ALCAM: variants seen among roughly 807,000 people sequenced by gnomAD.
ALCAM encodes activated leukocyte cell adhesion molecule.
Under a neutral mutation model 70.9 loss-of-function variants are expected in ALCAM, and 30 were observed. That is an observed-to-expected ratio of 0.42 (90% CI 0.32 to 0.57). The LOEUF (loss-of-function observed/expected upper bound fraction) is 0.57. Ranked by LOEUF, ALCAM falls within the 20% of genes least tolerant of loss-of-function variation. The pLI is 0.11. For missense variants in ALCAM, 591 were observed against 695.1 expected, an observed-to-expected ratio of 0.85 and a Z score of 1.68; for synonymous variants, 249 against 242.5, an observed-to-expected ratio of 1.03 and a Z score of -0.25.
chr3:105,478,440 G>C (rs1938181226), intron 1 of ALCAM, among the ~76,000 whole-genome samples: 2 of 152,038 alleles, frequency 1.3e-5, no homozygotes, highest in Admixed American at 6.6e-5. Context: ...TAGTAGCTGA[G>C]GCAGCCCCTC....
chr3:105,420,035 T>A (rs186395931), intron 1 of ALCAM, among the ~76,000 whole-genome samples: 1 of 151,618 alleles, frequency 6.6e-6, no homozygotes, highest in Admixed American at 6.6e-5. Flanking sequence ...CAAGCACAAA[T>A]AAAAAAACCG....
chr3:105,552,379 C>T (rs888287899), intron 13 of ALCAM, 89 bp from the exon 14 acceptor site: 34 of 1,417,366 alleles, frequency 2.4e-5, no homozygotes, highest in Non-Finnish European at 3.0e-5. Flanking sequence ...GAGCTTTAGT[C>T]ATTTTTAATA....
At chr3:105,490,762 C>T (rs562482598) in intron 1 of ALCAM, among the ~76,000 whole-genome samples, 89 of 152,314 alleles carry the variant, frequency 5.8e-4, no homozygotes, top group African/African-American at 2.1e-3. Flanking sequence ...TTCCCATAAC[C>T]TTGGGCAACC....
At chr3:105,444,999 A>G (rs764297601) in intron 1 of ALCAM, among the ~76,000 whole-genome samples, 6 of 152,180 alleles carry the variant, frequency 3.9e-5, no homozygotes, top group Non-Finnish European at 8.8e-5. Flanking sequence ...GATATATAAA[A>G]CAAATTATTT....
intron 3 of ALCAM, among the ~76,000 whole-genome samples, chr3:105,529,459 T>C (rs1939785552): frequency 1.3e-5 from 2 of 152,192 alleles, no homozygotes; most frequent in South Asian, 4.1e-4. Flanking sequence ...CTCCAACTAA[T>C]ACTCATCAAT....
At chr3:105,423,492 T>A (rs576716158) in intron 1 of ALCAM, among the ~76,000 whole-genome samples, 3 of 141,892 alleles carry the variant, frequency 2.1e-5, no homozygotes, top group Non-Finnish European at 4.8e-5. Flanking sequence ...CATCTGTTCT[T>A]TCAGGGAAAA....
intron 1 of ALCAM, among the ~76,000 whole-genome samples, chr3:105,505,681 A>G (rs1939053808): frequency 6.6e-6 from 1 of 152,210 alleles, no homozygotes; most frequent in Non-Finnish European, 1.5e-5. Flanking sequence ...TTTTCACAGA[A>G]AAACATTCTT....
intron 1 of ALCAM, among the ~76,000 whole-genome samples, chr3:105,506,070 C>T (rs1392191291): frequency 6.6e-6 from 1 of 152,104 alleles, no homozygotes; most frequent in Non-Finnish European, 1.5e-5. Flanking sequence ...GAACAGCTCC[C>T]TGTTTTTAAA....
At chr3:105,481,920 A>C (rs954633874) in intron 1 of ALCAM, among the ~76,000 whole-genome samples, 4 of 152,154 alleles carry the variant, frequency 2.6e-5, no homozygotes, top group African/African-American at 9.7e-5. Context: ...TGAGAATTAC[A>C]TTTATTCGCT....
intron 1 of ALCAM, among the ~76,000 whole-genome samples, chr3:105,429,357 A>G (rs1936870786): frequency 6.6e-6 from 1 of 151,990 alleles, no homozygotes; most frequent in African/African-American, 2.4e-5. Flanking sequence ...TATCTTTTAG[A>G]CCTGCTTACC....
intron 1 of ALCAM, among the ~76,000 whole-genome samples, chr3:105,508,469 A>T (rs1939142008): frequency 6.6e-6 from 1 of 152,178 alleles, no homozygotes; most frequent in Non-Finnish European, 1.5e-5. Context: ...TTCTTTGCTT[A>T]TCATACAGGA....
intron 1 of ALCAM, among the ~76,000 whole-genome samples, chr3:105,403,859 AT>A (rs1247939889): frequency 2.0e-5 from 3 of 151,644 alleles, no homozygotes; most frequent in Admixed American, 2.0e-4. Context: ...TGAAAGGAAA[AT>A]TCTTCAGTGA....
At chr3:105,540,676 A>T (rs1381760093) in intron 7 of ALCAM, among the ~76,000 whole-genome samples, 1 of 151,990 alleles carries the variant, frequency 6.6e-6, no homozygotes, top group African/African-American at 2.4e-5. Flanking sequence ...AAGGATCTGG[A>T]AGCAGACAAG....
chr3:105,376,435 G>C lies in ALCAM; in HGVS notation c.73+8954G>C, dbSNP rs578124036. On this transcript the variant is annotated intron_variant, in intron 1 of 15. Transcript: ENST00000306107. ...ACTACTTGACTAAGGTCACATTGTT[G>C]GCCAATCCAGAACTAAAACTCATGT... Among the ~76,000 whole-genome samples, 6 of 152,258 alleles carry C rather than the reference G, an allele frequency of 3.9e-5. No homozygotes were observed. The South Asian group carries it at 1.2e-3, about 32-fold the overall frequency.
intron 6 of ALCAM, among the ~76,000 whole-genome samples, chr3:105,536,198 C>T (rs1260426334): frequency 6.6e-6 from 1 of 151,312 alleles, no homozygotes; most frequent in African/African-American, 2.4e-5. Flanking sequence ...AATTCAAGTG[C>T]TTCTCCTGCC....
chr3:105,553,215 A>G, intron 14 of ALCAM: 10 of 658,880 alleles, frequency 1.5e-5, no homozygotes, highest in Non-Finnish European at 1.9e-5. Flanking sequence ...AACCTTACAA[A>G]TTATCTAACA....
chr3:105,546,943 A>C (rs79322983), intron 9 of ALCAM, among the ~76,000 whole-genome samples: 1 of 151,502 alleles, frequency 6.6e-6, no homozygotes, highest in South Asian at 2.1e-4. Context: ...AGTAAATGAA[A>C]GAGCGTGAAA....
At chr3:105,554,377 GC>G (rs1235857289) in intron 14 of ALCAM, among the ~76,000 whole-genome samples, 3 of 151,880 alleles carry the variant, frequency 2.0e-5, no homozygotes, top group African/African-American at 7.2e-5. Flanking sequence ...CTCTTACTAA[GC>G]CTTTTTTGTT....
At chr3:105,388,258 A>G (rs1351478777) in intron 1 of ALCAM, among the ~76,000 whole-genome samples, 3 of 151,590 alleles carry the variant, frequency 2.0e-5, no homozygotes, top group Non-Finnish European at 4.4e-5. Context: ...AAGAAGGGAA[A>G]AGACCTGGAG....
Sources: gnomAD v4.1 joint callset for allele counts (sites outside exome capture counted in the v4.1 genomes callset) on GRCh38, gnomAD v4.1.1 for gene constraint, MANE v1.5 for transcripts, NCBI Gene and HGNC (gene_info 2026-07-23, HGNC 2026-07-21) for gene names.